Variants in ZNF385D observed in about 807,000 individuals in gnomAD.
ZNF385D encodes zinc finger protein 659.
Under a neutral mutation model 35.8 loss-of-function variants are expected in ZNF385D, and 15 were observed. That is an observed-to-expected ratio of 0.42 (90% confidence interval 0.28 to 0.64). The LOEUF (loss-of-function observed/expected upper bound fraction) is 0.64, where lower values mean the gene tolerates loss of function less well. Ranked by LOEUF, ZNF385D falls within the 30% of genes least tolerant of loss-of-function variation. The pLI, the probability that ZNF385D is intolerant of heterozygous loss-of-function variation, is 0.23. For synonymous variants in ZNF385D, 212 were observed against 186.8 expected (o/e 1.13, Z -1.10); for missense variants, 474 against 494.6 (o/e 0.96, Z 0.39).
chr3:22,124,599 T>C (rs1430819726), intron 3 of ZNF385D, among the ~76,000 whole-genome samples: 4 of 152,180 alleles, frequency 2.6e-5, no homozygotes, highest in Non-Finnish European at 5.9e-5. Flanking sequence ...TGCTCATCTT[T>C]TGGATAAAAG....
chr3:21,586,123 T>C (rs1378514807), intron 2 of ZNF385D, among the ~76,000 whole-genome samples: 5 of 152,078 alleles, frequency 3.3e-5, no homozygotes, highest in Admixed American at 2.6e-4. Context: ...AGAGGATCAC[T>C]TAAGACCAGT....
intron 2 of ZNF385D, among the ~76,000 whole-genome samples, chr3:22,276,120 T>G (rs1252369697): frequency 6.6e-6 from 1 of 151,970 alleles, no homozygotes; most frequent in Admixed American, 6.6e-5. Context: ...CTTGAAATGG[T>G]GAGTCATTGG....
At chr3:21,964,412 TAAAAAAAAA>T (rs60635259) in intron 3 of ZNF385D, among the ~76,000 whole-genome samples, 3 of 71,484 alleles carry the variant, frequency 4.2e-5, no homozygotes, top group East Asian at 5.0e-4. Context: ...GTCCTTTTTG[TAAAAAAAAA>T]AAAAAAAAAA....
chr3:22,194,530 G>T (rs1240157305), intron 2 of ZNF385D, among the ~76,000 whole-genome samples: 2 of 151,524 alleles, frequency 1.3e-5, no homozygotes, highest in Non-Finnish European at 3.0e-5. Context: ...TTTTCAGTTT[G>T]CAGTAAAATT....
intron 3 of ZNF385D, among the ~76,000 whole-genome samples, chr3:21,983,286 G>A (rs1459636579): frequency 7.2e-6 from 1 of 139,522 alleles, no homozygotes; most frequent in East Asian, 2.1e-4. Flanking sequence ...CTAGCATTAG[G>A]TATATCTCCC....
intron 3 of ZNF385D, among the ~76,000 whole-genome samples, chr3:22,103,846 G>A (rs1157615306): frequency 6.6e-6 from 1 of 151,844 alleles, no homozygotes; most frequent in Admixed American, 6.6e-5. Context: ...TACACGGAAA[G>A]GGAAAATCTC....
intron 2 of ZNF385D, among the ~76,000 whole-genome samples, chr3:21,620,203 G>A (rs1462068941): frequency 2.0e-5 from 3 of 152,160 alleles, no homozygotes; most frequent in Non-Finnish European, 4.4e-5. Flanking sequence ...TGGCTGCTTT[G>A]TATTTTAAAT....
Position 21,564,676 on chromosome 3 carries a change from C to A in ZNF385D, c.174G>T (p.Pro58=). 1 of 1,551,472 alleles carries A rather than the reference C, an allele frequency of 6.4e-7. No homozygotes were observed. Among genetic ancestry groups the A allele is most frequent in the Non-Finnish European group, 8.7e-7 (1 of 1,149,282 alleles). The part of the protein sequence containing the change: ...NLFPNFNAMD[P]IQKAVINHTF... ...TATGGTTTATTACAGCTTTCTGAAT[C>A]GGGTCCATCTGTAATGAGAAAAAAG... The change falls in exon 3 of 8, where the codon CCG becomes CCT. Residue 58 remains proline (P), a synonymous_variant. Coordinates refer to ENST00000281523, the MANE Select transcript of ZNF385D (RefSeq NM_024697.3).
chr3:21,684,667 TG>T (rs1463640609), intron 1 of ZNF385D, among the ~76,000 whole-genome samples: 1 of 152,196 alleles, frequency 6.6e-6, no homozygotes, highest in Non-Finnish European at 1.5e-5. Flanking sequence ...ATTTTTCTGA[TG>T]TTCTTATAAA....
intron 4 of ZNF385D, among the ~76,000 whole-genome samples, chr3:21,461,289 G>A (rs562690306): frequency 6.6e-6 from 1 of 152,276 alleles, no homozygotes; most frequent in Non-Finnish European, 1.5e-5. Context: ...CAGTGGCTAT[G>A]CTTGTAATCT....
chr3:22,177,807 C>A (rs997814716), intron 2 of ZNF385D, among the ~76,000 whole-genome samples: 2 of 152,130 alleles, frequency 1.3e-5, no homozygotes, highest in African/African-American at 2.4e-5. Context: ...CTGTTCAATT[C>A]CCACCTATGA....
chr3:21,834,146 A>G (rs1455523083), intron 3 of ZNF385D, among the ~76,000 whole-genome samples: 2 of 152,152 alleles, frequency 1.3e-5, no homozygotes, highest in Non-Finnish European at 2.9e-5. Context: ...TCACACACAT[A>G]TAGCTGGCTG....
At chr3:21,777,469 G>A (rs1488753628) in intron 3 of ZNF385D, 1 of 151,922 alleles carries the variant, frequency 6.6e-6, no homozygotes, top group Non-Finnish European at 1.5e-5. Context: ...TAGTCACCAA[G>A]TTCTGAATGC....
chr3:21,767,192 C>A (rs1199525082), intron 3 of ZNF385D, among the ~76,000 whole-genome samples: 1 of 151,820 alleles, frequency 6.6e-6, no homozygotes, highest in African/African-American at 2.4e-5. Context: ...TAGAGAAATG[C>A]AAGGACAGTG....
At chr3:21,872,703 G>C (rs980376144) in intron 3 of ZNF385D, among the ~76,000 whole-genome samples, 2 of 152,040 alleles carry the variant, frequency 1.3e-5, no homozygotes, top group African/African-American at 2.4e-5. Context: ...AGAGTTTGCT[G>C]AGCTTGCAAA....
intron 2 of ZNF385D, among the ~76,000 whole-genome samples, chr3:22,209,850 G>C (rs1392980425): frequency 6.6e-6 from 1 of 151,656 alleles, no homozygotes; most frequent in Non-Finnish European, 1.5e-5. Flanking sequence ...TAAGCTAACT[G>C]TATATTCAGC....
chr3:22,048,704 C>T (rs1039632965), intron 3 of ZNF385D, among the ~76,000 whole-genome samples: 3 of 152,046 alleles, frequency 2.0e-5, no homozygotes, highest in South Asian at 2.1e-4. Context: ...GTTCTTTTTG[C>T]TCAAGATTGC....
At chr3:22,110,137 A>T (rs1433761310) in intron 3 of ZNF385D, among the ~76,000 whole-genome samples, 1 of 152,092 alleles carries the variant, frequency 6.6e-6, no homozygotes, top group Non-Finnish European at 1.5e-5. Context: ...GTCAGGAAAC[A>T]ACAGGTGCTG....
At chr3:22,140,435 T>G (rs530001485) in intron 3 of ZNF385D, among the ~76,000 whole-genome samples, 2 of 152,178 alleles carry the variant, frequency 1.3e-5, no homozygotes, top group African/African-American at 4.8e-5. Flanking sequence ...ATTAGTGTTA[T>G]GAAGATGTTA....
Sources: allele counts gnomAD v4.1 joint callset (sites outside exome capture counted in the v4.1 genomes callset), GRCh38; gene constraint gnomAD v4.1.1; transcripts MANE v1.5; gene names NCBI Gene and HGNC (gene_info 2026-07-23, HGNC 2026-07-21).